The following DCC variants were observed in gnomAD, a reference collection of about 807,000 sequenced individuals.
DCC encodes netrin receptor DCC.
Under a neutral mutation model 172.5 loss-of-function variants are expected in DCC, and 58 were observed. The ratio of observed to expected loss-of-function variants is 0.34; its 90% CI spans 0.27 to 0.42. The LOEUF is 0.42. DCC is among the 10% of genes least tolerant of loss of function. DCC has a pLI of 1.00. For synonymous variants in DCC, 709 were observed against 644.5 expected (o/e 1.10, Z -1.52); for missense variants, 1,740 against 1,791.0 (o/e 0.97, Z 0.51).
At chr18:52,589,470 A>G (rs1012065459) in intron 1 of DCC, among the ~76,000 whole-genome samples, 5 of 152,192 alleles carry the variant, frequency 3.3e-5, no homozygotes, top group Non-Finnish European at 7.3e-5. Flanking sequence ...CAGGGTAGAT[A>G]ATCCATATGC....
At chr18:52,948,610 T>C (rs909520759) in intron 5 of DCC, among the ~76,000 whole-genome samples, 1 of 152,138 alleles carries the variant, frequency 6.6e-6, no homozygotes, top group African/African-American at 2.4e-5. Flanking sequence ...ATGTCCAAGT[T>C]AGGATTCATG....
chr18:52,801,758 C>CTGTT (rs2037991250), intron 2 of DCC, among the ~76,000 whole-genome samples: 1 of 152,154 alleles, frequency 6.6e-6, no homozygotes, highest in Non-Finnish European at 1.5e-5. Context: ...TTCTATGGAA[C>CTGTT]TGTTTGTAAA....
At chr18:52,652,737 T>TGTGTGTGTGTGTGTGTGTGTGG (rs971665914) in intron 1 of DCC, among the ~76,000 whole-genome samples, 3 of 151,712 alleles carry the variant, frequency 2.0e-5, no homozygotes, top group African/African-American at 7.3e-5. Flanking sequence ...TGTGTGTGTG[T>TGTGTGTGTGTGTGTGTGTGTGG]GTGGGTGGAG....
At chr18:53,190,748 T>C (rs984027608) in intron 9 of DCC, among the ~76,000 whole-genome samples, 2 of 151,996 alleles carry the variant, frequency 1.3e-5, no homozygotes, top group African/African-American at 4.8e-5. Flanking sequence ...AGATGGAGAC[T>C]ATCCTGGCTA....
intron 2 of DCC, among the ~76,000 whole-genome samples, chr18:52,768,160 T>G (rs552224863): frequency 1.3e-5 from 2 of 152,352 alleles, no homozygotes; most frequent in Middle Eastern, 3.4e-3. Flanking sequence ...ACATTTTCAT[T>G]GTAAACTCTA....
intron 15 of DCC, among the ~76,000 whole-genome samples, chr18:53,371,904 A>G (rs1026700308): frequency 6.6e-6 from 1 of 152,112 alleles, no homozygotes; most frequent in Non-Finnish European, 1.5e-5. Flanking sequence ...AATCAAAACC[A>G]CAATGAGATA....
At chr18:53,017,901 C>T (rs2041830830) in intron 5 of DCC, among the ~76,000 whole-genome samples, 1 of 152,152 alleles carries the variant, frequency 6.6e-6, no homozygotes, top group Non-Finnish European at 1.5e-5. Flanking sequence ...TGCATGGTGG[C>T]AATGTTTCAG....
At chr18:52,790,741 G>A (rs891325514) in intron 2 of DCC, among the ~76,000 whole-genome samples, 1 of 152,068 alleles carries the variant, frequency 6.6e-6, no homozygotes, top group Non-Finnish European at 1.5e-5. Context: ...GCCTGTTATA[G>A]GAGACATATT....
At chr18:52,608,745 C>A (rs548330737) in intron 1 of DCC, among the ~76,000 whole-genome samples, 1 of 152,146 alleles carries the variant, frequency 6.6e-6, no homozygotes, top group East Asian at 1.9e-4. Context: ...ATCCTTAAAC[C>A]TTGCACTATG....
At chr18:52,541,449 G>A (rs1442349) in intron 1 of DCC, among the ~76,000 whole-genome samples, 87,910 of 152,044 alleles carry the variant, frequency 0.58, 25,809 homozygotes, top group South Asian at 0.68. Flanking sequence ...AATGGAGATA[G>A]CATTCATAAT....
intron 7 of DCC, among the ~76,000 whole-genome samples, chr18:53,123,447 C>G (rs2043512157): frequency 6.6e-6 from 1 of 152,032 alleles, no homozygotes; most frequent in South Asian, 2.1e-4. Flanking sequence ...GAGAGATGAA[C>G]AGCAGCAGTT....
At chr18:53,452,708 C>A (rs576435588) in intron 23 of DCC, among the ~76,000 whole-genome samples, 2 of 152,236 alleles carry the variant, frequency 1.3e-5, no homozygotes, top group East Asian at 3.9e-4. Context: ...TGTAGAGTCA[C>A]TTTGGTTTTT....
At chr18:52,699,426 C>T (rs189196691) in intron 1 of DCC, among the ~76,000 whole-genome samples, 61 of 152,300 alleles carry the variant, frequency 4.0e-4, no homozygotes, top group African/African-American at 1.3e-3. Flanking sequence ...CAAGGTTTGA[C>T]TGTGATGGCA....
At chr18:52,451,010 T>G (rs1379437362) in intron 1 of DCC, among the ~76,000 whole-genome samples, 2 of 152,248 alleles carry the variant, frequency 1.3e-5, no homozygotes, top group African/African-American at 4.8e-5. Context: ...GATATTAAAA[T>G]GTTTGCCTTG....
At position 52,574,464 on chromosome 18, in the gene DCC, T is replaced by C. The variant is rs1401805944; in HGVS notation, c.92-177590T>C. ...CATTTTCCTTAAGGCCACTGAAGCATAATATTATAACCTTCTTCATAAAGC... is the reference window on the plus strand; with the variant it reads ...CATTTTCCTTAAGGCCACTGAAGCACAATATTATAACCTTCTTCATAAAGC... On this transcript the variant is annotated intron_variant, in intron 1 of 28. Transcript: ENST00000442544. Among the ~76,000 whole-genome samples, 4 of 152,196 alleles carry C rather than the reference T, an allele frequency of 2.6e-5. No homozygotes were observed. In the South Asian group the frequency reaches 8.3e-4, roughly 31 times the overall value.
At chr18:53,348,293 A>G (rs1327349335) in intron 15 of DCC, among the ~76,000 whole-genome samples, 3 of 152,200 alleles carry the variant, frequency 2.0e-5, no homozygotes, top group African/African-American at 7.2e-5. Flanking sequence ...GTCCAGAGGG[A>G]CAGTCAAATC....
chr18:52,611,140 C>A (rs572214991), intron 1 of DCC, among the ~76,000 whole-genome samples: 1 of 152,160 alleles, frequency 6.6e-6, no homozygotes, highest in Non-Finnish European at 1.5e-5. Flanking sequence ...TGACCCCCCC[C>A]TCCTGACAAC....
At chr18:52,361,867 C>T (rs757513003) in intron 1 of DCC, among the ~76,000 whole-genome samples, 1 of 152,208 alleles carries the variant, frequency 6.6e-6, no homozygotes, top group Non-Finnish European at 1.5e-5. Flanking sequence ...ATCACCACAG[C>T]TCGTTCATGT....
chr18:52,386,410 A>T (rs1985801547), intron 1 of DCC, among the ~76,000 whole-genome samples: 1 of 152,034 alleles, frequency 6.6e-6, no homozygotes, highest in African/African-American at 2.4e-5. Flanking sequence ...GATTTTGGTA[A>T]TCCTCATATT....
Sources: gnomAD v4.1 joint callset for allele counts (sites outside exome capture counted in the v4.1 genomes callset) on GRCh38, gnomAD v4.1.1 for gene constraint, MANE v1.5 for transcripts, NCBI Gene and HGNC (gene_info 2026-07-23, HGNC 2026-07-21) for gene names.